The following RAPGEF6 variants were observed in gnomAD, a reference collection of about 807,000 sequenced individuals.
RAPGEF6 encodes the protein PDZ domain containing guanine nucleotide exchange factor (GEF) 2.
In RAPGEF6, 56 loss-of-function variants were observed where a neutral mutation model predicts 171.4. The observed-to-expected ratio is 0.33, with a 90% confidence interval of 0.26 to 0.41. RAPGEF6 has a LOEUF of 0.41. Ranked by LOEUF, RAPGEF6 falls within the 10% of genes least tolerant of loss-of-function variation. RAPGEF6 has a pLI of 1.00. For missense variants in RAPGEF6, 1,674 were observed against 1,921.4 expected (o/e 0.87, Z 2.41); for synonymous variants, 692 against 650.1 (o/e 1.06, Z -0.98).
chr5:131,451,306 G>A (rs537009096), intron 21 of RAPGEF6, among the ~76,000 whole-genome samples: 6 of 152,034 alleles, frequency 3.9e-5, no homozygotes, highest in African/African-American at 9.7e-5. Context: ...CACCTAGGCC[G>A]GGTGCAGTGG....
intron 19 of RAPGEF6, among the ~76,000 whole-genome samples, chr5:131,457,336 G>C (rs559189669): frequency 2.0e-5 from 3 of 152,284 alleles, no homozygotes; most frequent in East Asian, 1.9e-4. Context: ...TTCCCAAAGT[G>C]CTGAGATTAC....
chr5:131,451,942 C>G (rs909652969), intron 21 of RAPGEF6, among the ~76,000 whole-genome samples: 20 of 152,060 alleles, frequency 1.3e-4, no homozygotes, highest in African/African-American at 4.6e-4. Flanking sequence ...ATAAAAATTA[C>G]TAGGAATAGG....
Position 131,433,485 on chromosome 5 carries a change from A to G in RAPGEF6, c.3919T>C (p.Leu1307=), listed in dbSNP as rs150141206. The change falls in exon 25 of 28, where the codon TTG becomes CTG. Residue 1307 remains leucine (L), a synonymous_variant. Coordinates refer to ENST00000509018, the MANE Select transcript of RAPGEF6 (RefSeq NM_016340.6). ...ALAVPESTGA[L]EKTEHASGIG... ...CCTGAAGCGTGCTCTGTCTTTTCCA[A>G]TGCCCCAGTGGATTCAGGGACTGCC... is the stretch of plus-strand genomic sequence containing the variant. The G allele has an allele frequency of 6.2e-6, 10 of 1,613,962 alleles. No homozygotes were observed. The African/African-American group carries it at 1.2e-4, about 19-fold the overall frequency.
intron 20 of RAPGEF6, among the ~76,000 whole-genome samples, chr5:131,454,838 G>C (rs1358461253): frequency 6.6e-6 from 1 of 152,144 alleles, no homozygotes; most frequent in African/African-American, 2.4e-5. Context: ...TTAACAGCCA[G>C]TATCAAACAA....
intron 1 of RAPGEF6, among the ~76,000 whole-genome samples, chr5:131,632,075 CAAAA>C (rs529399752): frequency 3.1e-5 from 2 of 63,732 alleles, no homozygotes; most frequent in African/African-American, 5.2e-5. Flanking sequence ...GACTCTGTCT[CAAAA>C]AAAAAAAAAA....
chr5:131,431,379 G>A (rs766050324), intron 25 of RAPGEF6, 30 bp from the exon 26 acceptor site: 34 of 1,547,560 alleles, frequency 2.2e-5, no homozygotes, highest in Non-Finnish European at 5.2e-6. Context: ...ACAATTAGAA[G>A]GCTTGCCAGA....
chr5:131,616,474 C>T (rs1765270859), intron 1 of RAPGEF6, among the ~76,000 whole-genome samples: 1 of 152,162 alleles, frequency 6.6e-6, no homozygotes, highest in Admixed American at 6.5e-5. Flanking sequence ...TCGGAAACTC[C>T]ATTTCCCAAT....
chr5:131,575,133 A>G (rs963971239), intron 4 of RAPGEF6, among the ~76,000 whole-genome samples: 2 of 152,186 alleles, frequency 1.3e-5, no homozygotes, highest in East Asian at 1.9e-4. Flanking sequence ...TGCTTTCTTC[A>G]CTATTCCTTT....
At chr5:131,523,563 A>G (rs1246504221) in intron 6 of RAPGEF6, among the ~76,000 whole-genome samples, 1 of 152,100 alleles carries the variant, frequency 6.6e-6, no homozygotes, top group African/African-American at 2.4e-5. Context: ...TGAAAAGTAA[A>G]GACTAGTCTG....
At chr5:131,588,447 C>A (rs1253806890) in intron 4 of RAPGEF6, among the ~76,000 whole-genome samples, 1 of 152,146 alleles carries the variant, frequency 6.6e-6, no homozygotes, top group South Asian at 2.1e-4. Flanking sequence ...ATTAATGGGG[C>A]CAGGTGCGGT....
chr5:131,448,369 T>TA (rs1169342026), intron 21 of RAPGEF6, among the ~76,000 whole-genome samples: 5 of 152,208 alleles, frequency 3.3e-5, no homozygotes, highest in African/African-American at 1.2e-4. Flanking sequence ...CACACTGTGA[T>TA]AAAAATCCAT....
chr5:131,632,315 C>T (rs1173714165), intron 1 of RAPGEF6, among the ~76,000 whole-genome samples: 1 of 152,118 alleles, frequency 6.6e-6, no homozygotes, highest in African/African-American at 2.4e-5. Context: ...GCCTTTGCAA[C>T]GATTGCTCCC....
chr5:131,555,702 A>G (rs559059088), intron 5 of RAPGEF6, among the ~76,000 whole-genome samples: 1 of 152,054 alleles, frequency 6.6e-6, no homozygotes, highest in East Asian at 1.9e-4. Flanking sequence ...TCCTGGTTAC[A>G]TCATCTTGGA....
At chr5:131,507,116 C>T (rs1034635700) in intron 9 of RAPGEF6, among the ~76,000 whole-genome samples, 2 of 148,358 alleles carry the variant, frequency 1.3e-5, no homozygotes, top group African/African-American at 4.9e-5. Flanking sequence ...CATCGCTTAT[C>T]ACTGGATGTT....
At chr5:131,468,270 T>G (rs907945697) in intron 17 of RAPGEF6, among the ~76,000 whole-genome samples, 2 of 145,444 alleles carry the variant, frequency 1.4e-5, no homozygotes, top group Admixed American at 1.4e-4. Flanking sequence ...AGGCGTAGCT[T>G]GCAGTGAGCC....
At chr5:131,477,324 A>G (rs2054001728) in intron 16 of RAPGEF6, among the ~76,000 whole-genome samples, 1 of 152,214 alleles carries the variant, frequency 6.6e-6, no homozygotes, top group African/African-American at 2.4e-5. Flanking sequence ...CCTTGGAAAC[A>G]TGTTTGGAAG....
chr5:131,508,031 G>T, intron 9 of RAPGEF6, 40 bp downstream of exon 9: 1 of 1,451,614 alleles, frequency 6.9e-7, no homozygotes, highest in South Asian at 1.4e-5. Context: ...TTAAAAGTTA[G>T]TATCCATAAT....
intron 1 of RAPGEF6, among the ~76,000 whole-genome samples, chr5:131,606,040 AAAAAAAAAAAAAAG>A (rs1307550774): frequency 6.8e-6 from 1 of 146,576 alleles, no homozygotes; most frequent in African/African-American, 2.6e-5. Context: ...AAAAAAAAAA[AAAAAAAAAAAAAAG>A]AAAAAGAAAA....
intron 3 of RAPGEF6, 121 bp from the exon 4 acceptor site, chr5:131,592,587 T>C (rs902101113): frequency 7.6e-6 from 11 of 1,438,316 alleles, no homozygotes; most frequent in African/African-American, 4.3e-5. Context: ...TAACACTACC[T>C]GGAAATTTGG....
Sources: gnomAD v4.1 joint callset for allele counts (sites outside exome capture counted in the v4.1 genomes callset) on GRCh38, gnomAD v4.1.1 for gene constraint, MANE v1.5 for transcripts, NCBI Gene and HGNC (gene_info 2026-07-23, HGNC 2026-07-21) for gene names.